Variants in NDUFAF2 observed in about 807,000 individuals in gnomAD.
NDUFAF2 encodes the protein NADH:ubiquinone oxidoreductase complex assembly factor 2.
In NDUFAF2, 13 loss-of-function variants were observed where a neutral mutation model predicts 22.8. The observed-to-expected ratio is 0.57, with a 90% CI of 0.37 to 0.91. The LOEUF (loss-of-function observed/expected upper bound fraction) is 0.91, where lower values mean the gene tolerates loss of function less well. Among genes scored for constraint, NDUFAF2 ranks in the 40% least tolerant of loss-of-function variants. The pLI, the probability that NDUFAF2 is intolerant of heterozygous loss-of-function variation, is 0.01. For synonymous variants in NDUFAF2, 53 were observed against 64.2 expected (o/e 0.83, Z 0.84); for missense variants, 162 against 195.2 (o/e 0.83, Z 1.01).
Position 60,949,764 on chromosome 5 carries a change from C to T in NDUFAF2, c.127+4382C>T, listed in dbSNP as rs1406123740. On this transcript the variant is annotated intron_variant, in intron 1 of 3. Coordinates refer to ENST00000296597, the MANE Select transcript of NDUFAF2 (RefSeq NM_174889.5). ...TACTTGGTCATTTTTAAAAATTTAT[C>T]ACTGATTTGTAGTTTTCAGCATAGA... Among the ~76,000 whole-genome samples the T allele has an allele frequency of 9.9e-5, 15 of 152,216 alleles. No homozygotes were observed. In the East Asian group the frequency reaches 2.9e-3, roughly 29 times the overall value.
chr5:61,118,224 A>T (rs758539549), intron 3 of NDUFAF2, among the ~76,000 whole-genome samples: 3 of 152,176 alleles, frequency 2.0e-5, no homozygotes, highest in Non-Finnish European at 4.4e-5. Context: ...TCTCCCGGGC[A>T]CCACACAAGG....
rs551903840 is a variant in NDUFAF2, at chr5:61,041,914, A to G, written c.128-31211A>G. On this transcript the variant is annotated intron_variant, in intron 1 of 3. Transcript: ENST00000296597. Reference sequence around the variant, plus strand: ...CAATCTAAAAATCCCCATTGCAGTCATGGGCAAACCAGATGTGCTTCTTGA... The same window carrying G: ...CAATCTAAAAATCCCCATTGCAGTCGTGGGCAAACCAGATGTGCTTCTTGA... 2.1e-4 allele frequency among the ~76,000 whole-genome samples: 32 copies of G among 152,316 alleles called. No individual in the cohort carries two copies. The South Asian group carries it at 2.7e-3, about 13-fold the overall frequency.
rs1464477398 is a variant in NDUFAF2, at chr5:61,152,850, T to A, written c.405T>A (p.Ala135=). 1.2e-6 allele frequency: 2 copies of A among 1,609,100 alleles called. No homozygotes were observed. The change falls in exon 4 of 4, where the codon GCT becomes GCA. Residue 135 remains alanine, a synonymous_variant. Coordinates refer to ENST00000296597, the MANE Select transcript of NDUFAF2 (RefSeq NM_174889.5). ...VQTQIKGHAS[A]PYFGKEEPSV... ...CTCAAATTAAAGGCCATGCCTCTGC[T>A]CCATACTTTGGAAAGGAAGAACCCT...
chr5:61,035,782 AATT>A lies in NDUFAF2; in HGVS notation c.128-37338_128-37336del, dbSNP rs950891942. Among the ~76,000 whole-genome samples the A allele has an allele frequency of 3.7e-4, 56 of 152,122 alleles. 1 individual carries two copies. The highest frequency in any genetic ancestry group is 2.1e-4 in the Non-Finnish European group (14 of 68,012). ...GTTTTTTCCCAATTTGTCAATAATA[AATT>A]ATTAAGATATTTATTTTCATTTATA... On this transcript the variant is annotated intron_variant, in intron 1 of 3. Coordinates refer to ENST00000296597, the MANE Select transcript of NDUFAF2 (RefSeq NM_174889.5).
chr5:61,073,131 C>G lies in NDUFAF2; in HGVS notation c.134C>G (p.Thr45Ser). 1 of 1,607,590 alleles carries G rather than the reference C, an allele frequency of 6.2e-7. No homozygotes were observed. Residue 45 changes from threonine to serine, a missense_variant, in exon 2 of 4, where the codon ACT (threonine) becomes AGT (serine). Transcript: ENST00000296597. The stretch of plus-strand genomic sequence containing the variant: ...AATGACTTTTGTCTTATAGGACAAA[C>G]TATTCGAGAGAAAAGAATTGTAGAA... ...IPQYKNWRGQ[T>S]IREKRIVEAA...
At chr5:60,988,516 C>A (rs772275613) in intron 1 of NDUFAF2, among the ~76,000 whole-genome samples, 1 of 152,056 alleles carries the variant, frequency 6.6e-6, no homozygotes, top group Non-Finnish European at 1.5e-5. Flanking sequence ...TAATGTTACC[C>A]GACTTCAAAC....
chr5:60,969,684 T>C (rs901586017), intron 1 of NDUFAF2, among the ~76,000 whole-genome samples: 5 of 152,028 alleles, frequency 3.3e-5, no homozygotes, highest in African/African-American at 1.2e-4. Context: ...TGTCTCTTCA[T>C]TTTGTTGATT....
chr5:61,148,655 G>GAGTC (rs1741180966), intron 3 of NDUFAF2, among the ~76,000 whole-genome samples: 1 of 152,168 alleles, frequency 6.6e-6, no homozygotes, highest in Non-Finnish European at 1.5e-5. Context: ...AATATTCATA[G>GAGTC]AGTCACACAG....
At chr5:60,995,949 C>T (rs2650507) in intron 1 of NDUFAF2, among the ~76,000 whole-genome samples, 86,271 of 151,592 alleles carry the variant, frequency 0.57, 25,795 homozygotes, top group East Asian at 0.94. Flanking sequence ...GGAAGTACTA[C>T]AAGACTACCC....
At chr5:61,091,943 G>T (rs1348799537) in intron 2 of NDUFAF2, among the ~76,000 whole-genome samples, 1 of 152,030 alleles carries the variant, frequency 6.6e-6, no homozygotes, top group East Asian at 1.9e-4. Flanking sequence ...ACCATTTATT[G>T]CATAAGAAAT....
intron 1 of NDUFAF2, among the ~76,000 whole-genome samples, chr5:60,993,383 C>T (rs1751186201): frequency 6.6e-6 from 1 of 152,240 alleles, no homozygotes; most frequent in South Asian, 2.1e-4. Context: ...ATGTGGTGAG[C>T]ATGGGGTTTG....
intron 1 of NDUFAF2, among the ~76,000 whole-genome samples, chr5:61,060,593 T>C (rs1389250179): frequency 2.0e-5 from 3 of 152,104 alleles, no homozygotes; most frequent in African/African-American, 7.2e-5. Context: ...TTGATCACCA[T>C]TCCTCCAACC....
chr5:61,087,272 A>T (rs1348584767), intron 2 of NDUFAF2, among the ~76,000 whole-genome samples: 1 of 152,172 alleles, frequency 6.6e-6, no homozygotes, highest in Non-Finnish European at 1.5e-5. Flanking sequence ...AAAGAAGCTG[A>T]TTATACTGGC....
At chr5:61,085,388 C>T (rs1012143009) in intron 2 of NDUFAF2, among the ~76,000 whole-genome samples, 5 of 151,920 alleles carry the variant, frequency 3.3e-5, no homozygotes, top group African/African-American at 9.7e-5. Context: ...AGAAAAGAAG[C>T]GCCTCAACCT....
chr5:61,066,919 A>C (rs191463776), intron 1 of NDUFAF2, among the ~76,000 whole-genome samples: 172 of 152,228 alleles, frequency 1.1e-3, no homozygotes, highest in African/African-American at 4.0e-3. Flanking sequence ...AACAGTGGTT[A>C]CCTGGGACAG....
At chr5:61,093,325 C>T (rs774814606) in intron 2 of NDUFAF2, among the ~76,000 whole-genome samples, 1 of 152,192 alleles carries the variant, frequency 6.6e-6, no homozygotes, top group African/African-American at 2.4e-5. Context: ...TCCAATCACG[C>T]TGACACTGAA....
chr5:61,063,965 A>G (rs1752198734), intron 1 of NDUFAF2, among the ~76,000 whole-genome samples: 1 of 152,166 alleles, frequency 6.6e-6, no homozygotes, highest in African/African-American at 2.4e-5. Context: ...GTTAAAAAGA[A>G]AAACAAGATC....
intron 1 of NDUFAF2, among the ~76,000 whole-genome samples, chr5:61,034,843 G>A (rs944751122): frequency 4.0e-5 from 6 of 151,262 alleles, no homozygotes; most frequent in African/African-American, 1.5e-4. Context: ...ACACAAAATA[G>A]CTGTCTGCTT....
chr5:60,958,406 T>A (rs1750645039), intron 1 of NDUFAF2, among the ~76,000 whole-genome samples: 1 of 151,394 alleles, frequency 6.6e-6, no homozygotes, highest in Non-Finnish European at 1.5e-5. Flanking sequence ...GAAAACACAT[T>A]TTTTTCATTC....
Sources: allele counts gnomAD v4.1 joint callset (sites outside exome capture counted in the v4.1 genomes callset), GRCh38; gene constraint gnomAD v4.1.1; transcripts MANE v1.5; gene names NCBI Gene and HGNC (gene_info 2026-07-23, HGNC 2026-07-21).